The following CHIC2 variants were observed in gnomAD, a reference collection of about 807,000 sequenced individuals.
CHIC2 encodes the protein cysteine-rich hydrophobic domain-containing protein 2.
CHIC2 carries 14 observed loss-of-function variants against 25.9 expected under a neutral mutation model. The observed-to-expected ratio is 0.54, with a 90% CI of 0.36 to 0.85. The LOEUF (loss-of-function observed/expected upper bound fraction) is 0.85. Among genes scored for constraint, CHIC2 ranks in the 40% least tolerant of loss-of-function variants. The pLI is 0.01. For synonymous variants in CHIC2, 70 were observed against 72.0 expected (o/e 0.97, Z 0.14); for missense variants, 146 against 202.0 (o/e 0.72, Z 1.68).
At chr4:54,048,172 T>C (rs186712366) in intron 3 of CHIC2, among the ~76,000 whole-genome samples, 1 of 152,244 alleles carries the variant, frequency 6.6e-6, no homozygotes, top group East Asian at 1.9e-4. Flanking sequence ...GTATTTTTAG[T>C]AGAGACAGGG....
the CHIC2 span, among the ~76,000 whole-genome samples, chr4:54,090,794 G>C: frequency 6.6e-6 from 1 of 152,206 alleles, no homozygotes; most frequent in Non-Finnish European, 1.5e-5. Flanking sequence ...GAAAGGGTGA[G>C]GTTGGGTTGG....
intron 3 of CHIC2, among the ~76,000 whole-genome samples, chr4:54,018,354 T>C (rs1462182555): frequency 6.6e-6 from 1 of 152,174 alleles, no homozygotes; most frequent in Non-Finnish European, 1.5e-5. Flanking sequence ...TCCTAAATAC[T>C]GTAACTTTCT....
rs140017229 is a variant in CHIC2, at chr4:54,027,888, G to C, written c.331-13769C>G. ...GGAACCTAATAAATAACTTTTCAAA[G>C]ACAGGATGTTGATTTTCATTTGTTT... On this transcript the variant is annotated intron_variant, in intron 3 of 5. Transcript: ENST00000263921. 1.3e-3 allele frequency among the ~76,000 whole-genome samples: 195 copies of C among 152,246 alleles called. 1 individual carries two copies. Among genetic ancestry groups the C allele is most frequent in the Admixed American group, 4.6e-3 (70 of 15,304 alleles).
chr4:54,060,677 A>C (rs560444696), intron 1 of CHIC2: 3 of 152,164 alleles, frequency 2.0e-5, no homozygotes, highest in Non-Finnish European at 4.4e-5. Flanking sequence ...TCAATAAATG[A>C]TCAACATATT....
intron 3 of CHIC2, among the ~76,000 whole-genome samples, chr4:54,043,752 G>A (rs924162966): frequency 4.6e-5 from 7 of 152,260 alleles, no homozygotes; most frequent in Non-Finnish European, 1.0e-4. Flanking sequence ...CAACTAACGA[G>A]CAAAATAACC....
intron 1 of CHIC2, among the ~76,000 whole-genome samples, chr4:54,057,835 C>G (rs1298219017): frequency 6.6e-6 from 1 of 152,210 alleles, no homozygotes; most frequent in Non-Finnish European, 1.5e-5. Context: ...CAAGCATCTA[C>G]ATTCAACAAT....
At chr4:54,030,265 C>G (rs1716183989) in intron 3 of CHIC2, among the ~76,000 whole-genome samples, 1 of 152,044 alleles carries the variant, frequency 6.6e-6, no homozygotes, top group African/African-American at 2.4e-5. Flanking sequence ...TGCCTGTAAT[C>G]CCAGCACTTT....
the CHIC2 span, among the ~76,000 whole-genome samples, chr4:54,075,299 A>C: frequency 2.6e-5 from 4 of 152,238 alleles, no homozygotes; most frequent in Non-Finnish European, 5.9e-5. Context: ...CTTTGAAGCT[A>C]TAATGGACTA....
chr4:54,020,163 T>G (rs1383450294), intron 3 of CHIC2, among the ~76,000 whole-genome samples: 2 of 152,162 alleles, frequency 1.3e-5, no homozygotes, highest in Non-Finnish European at 2.9e-5. Context: ...CAACTGAAGA[T>G]CCACAAAAGA....
Position 54,061,701 on chromosome 4 carries a change from G to A in CHIC2, c.119+2481C>T, listed in dbSNP as rs1158407530. On this transcript the variant is annotated intron_variant, in intron 1 of 5. Coordinates refer to ENST00000263921, the MANE Select transcript of CHIC2 (RefSeq NM_012110.4). ...TAACTGGGCTACCCACTGGCATGGT[G>A]TGCTAGTGTGCCTGGGAATTATGCA... Among the ~76,000 whole-genome samples, 6 of 152,184 alleles carry A rather than the reference G, an allele frequency of 3.9e-5. No homozygotes were observed. In the East Asian group the frequency reaches 9.7e-4, roughly 24 times the overall value.
chr4:54,015,998 C>T (rs1218739051), intron 3 of CHIC2, among the ~76,000 whole-genome samples: 4 of 152,192 alleles, frequency 2.6e-5, no homozygotes, highest in Non-Finnish European at 5.9e-5. Flanking sequence ...CGCTGCTAAA[C>T]CAATGGCAAA....
intron 3 of CHIC2, among the ~76,000 whole-genome samples, chr4:54,047,410 C>T (rs138322737): frequency 0.062 from 9,444 of 152,010 alleles, 990 homozygotes; most frequent in African/African-American, 0.21. Flanking sequence ...AAATGTCCAA[C>T]AATGGTAGAC....
chr4:54,012,753 T>C (rs1224278410), intron 5 of CHIC2, among the ~76,000 whole-genome samples: 3 of 152,164 alleles, frequency 2.0e-5, no homozygotes, highest in Non-Finnish European at 4.4e-5. Context: ...TACATTAACA[T>C]GTTTGATGTA....
At chr4:54,023,054 C>G (rs1361593745) in intron 3 of CHIC2, among the ~76,000 whole-genome samples, 1 of 152,082 alleles carries the variant, frequency 6.6e-6, no homozygotes, top group Non-Finnish European at 1.5e-5. Context: ...GCAAACCTAG[C>G]TGACCCCATA....
chr4:54,091,406 T>C, the CHIC2 span, among the ~76,000 whole-genome samples: 1 of 152,070 alleles, frequency 6.6e-6, no homozygotes, highest in Non-Finnish European at 1.5e-5. Flanking sequence ...ACTCCTGCTC[T>C]CTCTACGCAC....
At chr4:54,040,090 G>A (rs1195238374) in intron 3 of CHIC2, among the ~76,000 whole-genome samples, 1 of 152,146 alleles carries the variant, frequency 6.6e-6, no homozygotes, top group African/African-American at 2.4e-5. Context: ...TACAGCACAA[G>A]TAAGTTTTTT....
intron 3 of CHIC2, among the ~76,000 whole-genome samples, chr4:54,019,999 T>C (rs1175213278): frequency 6.6e-6 from 1 of 152,164 alleles, no homozygotes; most frequent in East Asian, 1.9e-4. Context: ...GGAATTTCAC[T>C]ATGCAAATAA....
chr4:54,012,184 G>C (rs188040368), intron 5 of CHIC2, among the ~76,000 whole-genome samples: 9 of 151,690 alleles, frequency 5.9e-5, no homozygotes, highest in African/African-American at 1.9e-4. Flanking sequence ...ACTCCTAGAC[G>C]CAAGTGATCC....
intron 1 of CHIC2, among the ~76,000 whole-genome samples, chr4:54,051,533 G>A (rs1717007125): frequency 6.6e-6 from 1 of 151,612 alleles, no homozygotes; most frequent in Non-Finnish European, 1.5e-5. Flanking sequence ...ACATTTTTTT[G>A]CAAATAACCA....
Sources: allele counts gnomAD v4.1 joint callset (sites outside exome capture counted in the v4.1 genomes callset), GRCh38; gene constraint gnomAD v4.1.1; transcripts MANE v1.5; gene names NCBI Gene and HGNC (gene_info 2026-07-23, HGNC 2026-07-21).